The following MACROD2 variants were observed in gnomAD, a reference collection of about 807,000 sequenced individuals.
The protein encoded by MACROD2 is ADP-ribose glycohydrolase MACROD2.
A neutral mutation model predicts 70.4 loss-of-function variants in MACROD2; 36 were observed. The observed-to-expected ratio is 0.51, with a 90% CI of 0.39 to 0.68. MACROD2 has a LOEUF of 0.68. MACROD2 is among the 30% of genes least tolerant of loss of function. The probability of loss-of-function intolerance (pLI) is 0.00; values close to 1 mark genes in which losing one functional copy is unlikely to be tolerated. For missense variants in MACROD2, 496 were observed against 538.4 expected, an observed-to-expected ratio of 0.92 and a Z score of 0.78; for synonymous variants, 172 against 178.8, an observed-to-expected ratio of 0.96 and a Z score of 0.30.
intron 6 of MACROD2, among the ~76,000 whole-genome samples, chr20:15,314,884 A>G (rs1160213345): frequency 6.6e-6 from 1 of 152,220 alleles, no homozygotes; most frequent in Non-Finnish European, 1.5e-5. Context: ...AGTGCAGGAC[A>G]CCTGTTAGAA....
intron 6 of MACROD2, among the ~76,000 whole-genome samples, chr20:15,279,190 C>A (rs1393968721): frequency 6.6e-6 from 1 of 152,158 alleles, no homozygotes; most frequent in South Asian, 2.1e-4. Context: ...GGGCTTCTTG[C>A]AGGGTGTAGG....
chr20:14,951,285 A>G (rs1360826975), intron 5 of MACROD2, among the ~76,000 whole-genome samples: 1 of 152,100 alleles, frequency 6.6e-6, no homozygotes, highest in Admixed American at 6.6e-5. Context: ...GAACTGGGGT[A>G]TCAAGTAGGT....
chr20:14,594,616 G>C (rs969866618), intron 4 of MACROD2, among the ~76,000 whole-genome samples: 9 of 152,188 alleles, frequency 5.9e-5, no homozygotes, highest in African/African-American at 2.2e-4. Context: ...AAAGAAGACT[G>C]GGCGCGGTGG....
chr20:14,519,569 G>T (rs560074536), intron 4 of MACROD2, among the ~76,000 whole-genome samples: 1 of 152,230 alleles, frequency 6.6e-6, no homozygotes, highest in Non-Finnish European at 1.5e-5. Context: ...AAAATAACAG[G>T]TGCTGGTGAG....
intron 5 of MACROD2, among the ~76,000 whole-genome samples, chr20:15,088,709 A>G (rs1228255648): frequency 1.3e-5 from 2 of 151,260 alleles, no homozygotes; most frequent in Non-Finnish European, 2.9e-5. Flanking sequence ...TTTGTTTCAC[A>G]TGTCATAAAT....
At chr20:14,311,047 G>A (rs2082562952) in intron 3 of MACROD2, among the ~76,000 whole-genome samples, 1 of 152,066 alleles carries the variant, frequency 6.6e-6, no homozygotes, top group Non-Finnish European at 1.5e-5. Flanking sequence ...TATTATTGAA[G>A]AAAGAAAAAT....
chr20:15,936,800 G>T (rs1429597775), intron 11 of MACROD2, among the ~76,000 whole-genome samples: 4 of 152,058 alleles, frequency 2.6e-5, no homozygotes, highest in Non-Finnish European at 4.4e-5. Context: ...TATCGTGGAG[G>T]CCAAACATGA....
chr20:15,220,055 A>G (rs535542737), intron 5 of MACROD2, among the ~76,000 whole-genome samples: 1 of 144,778 alleles, frequency 6.9e-6, no homozygotes, highest in African/African-American at 2.5e-5. Context: ...AAAGAGTGTG[A>G]TAGTGTTAGA....
intron 2 of MACROD2, chr20:14,051,683 TAAAGAGAAAAAAC>T (rs1048374858): frequency 2.0e-5 from 7 of 346,504 alleles, no homozygotes. Flanking sequence ...TAATGAATGG[TAAAGAGAAAAAAC>T]AAAGAGAATT....
At chr20:15,149,211 T>A (rs1487691855) in intron 5 of MACROD2, among the ~76,000 whole-genome samples, 1 of 152,020 alleles carries the variant, frequency 6.6e-6, no homozygotes, top group Non-Finnish European at 1.5e-5. Context: ...AGTAGTAGAA[T>A]AGCAGATGGA....
intron 3 of MACROD2, among the ~76,000 whole-genome samples, chr20:14,306,068 T>C (rs2082518782): frequency 6.6e-6 from 1 of 152,118 alleles, no homozygotes; most frequent in Non-Finnish European, 1.5e-5. Context: ...TTTAAACCTC[T>C]CTATCCTCTC....
At chr20:15,064,330 C>G (rs2075557101) in intron 5 of MACROD2, among the ~76,000 whole-genome samples, 1 of 152,112 alleles carries the variant, frequency 6.6e-6, no homozygotes, top group Admixed American at 6.5e-5. Flanking sequence ...AACCACCAAG[C>G]CCAGTGGAAC....
intron 3 of MACROD2, among the ~76,000 whole-genome samples, chr20:14,206,335 G>A (rs981282318): frequency 3.3e-5 from 5 of 152,168 alleles, no homozygotes; most frequent in African/African-American, 1.2e-4. Context: ...AACTCTAGAG[G>A]AGAGTCTCAG....
chr20:14,590,424 G>T (rs992786737), intron 4 of MACROD2, among the ~76,000 whole-genome samples: 1 of 152,172 alleles, frequency 6.6e-6, no homozygotes, highest in African/African-American at 2.4e-5. Context: ...TTGAATTAAA[G>T]AAGAGATTAT....
At chr20:14,774,212 T>G (rs773821083) in intron 5 of MACROD2, among the ~76,000 whole-genome samples, 4 of 152,002 alleles carry the variant, frequency 2.6e-5, no homozygotes, top group Non-Finnish European at 5.9e-5. Context: ...TGTATATGCT[T>G]TTTAGGAACA....
At chr20:15,242,385 A>G (rs1410813068) in intron 6 of MACROD2, among the ~76,000 whole-genome samples, 1 of 152,222 alleles carries the variant, frequency 6.6e-6, no homozygotes, top group Non-Finnish European at 1.5e-5. Context: ...AATCCCATTT[A>G]GTTGTGTCAT....
intron 3 of MACROD2, among the ~76,000 whole-genome samples, chr20:14,268,871 A>C (rs6033927): frequency 0.62 from 94,589 of 151,984 alleles, 31,117 homozygotes; most frequent in Non-Finnish European, 0.74. Flanking sequence ...TCTTTTAAAA[A>C]CAAGCTATCA....
intron 4 of MACROD2, among the ~76,000 whole-genome samples, chr20:14,519,914 GAAAT>G (rs1346934284): frequency 3.9e-5 from 6 of 152,108 alleles, no homozygotes; most frequent in Non-Finnish European, 5.9e-5. Context: ...ATCCTTTGCA[GAAAT>G]ACGGATGGAG....
intron 8 of MACROD2, among the ~76,000 whole-genome samples, chr20:15,800,550 A>G (rs1045451712): frequency 6.6e-5 from 10 of 152,104 alleles, no homozygotes; most frequent in African/African-American, 1.9e-4. Flanking sequence ...CCTTTCCCCA[A>G]TGTATGTTCT....
Sources: allele counts gnomAD v4.1 joint callset (sites outside exome capture counted in the v4.1 genomes callset), GRCh38; gene constraint gnomAD v4.1.1; transcripts MANE v1.5; gene names NCBI Gene and HGNC (gene_info 2026-07-23, HGNC 2026-07-21).